The following SLIT3 variants were observed in gnomAD, a reference collection of about 807,000 sequenced individuals.
SLIT3 encodes slit guidance ligand 3.
SLIT3 carries 68 observed loss-of-function variants against 184.0 expected under a neutral mutation model. The ratio of observed to expected loss-of-function variants is 0.37; its 90% CI spans 0.30 to 0.45. SLIT3 has a LOEUF of 0.45. Ranked by LOEUF, SLIT3 falls within the 20% of genes least tolerant of loss-of-function variation. The probability of loss-of-function intolerance (pLI) is 1.00; values close to 1 mark genes in which losing one functional copy is unlikely to be tolerated. For synonymous variants in SLIT3, 831 were observed against 828.6 expected, an observed-to-expected ratio of 1.00 and a Z score of -0.05; for missense variants, 1,707 against 2,026.0, an observed-to-expected ratio of 0.84 and a Z score of 3.02.
chr5:169,055,928 G>C (rs1347021238), intron 4 of SLIT3, among the ~76,000 whole-genome samples: 1 of 152,094 alleles, frequency 6.6e-6, no homozygotes, highest in African/African-American at 2.4e-5. Context: ...ACGAAATTAA[G>C]AATTTTATTC....
chr5:169,239,096 T>G (rs1430956571), intron 3 of SLIT3, among the ~76,000 whole-genome samples: 3 of 152,196 alleles, frequency 2.0e-5, no homozygotes, highest in African/African-American at 7.2e-5. Flanking sequence ...ATGTTGTGTA[T>G]GTCTTTGGTT....
At chr5:169,041,613 G>C (rs1057431362) in intron 4 of SLIT3, among the ~76,000 whole-genome samples, 1 of 152,168 alleles carries the variant, frequency 6.6e-6, no homozygotes, top group African/African-American at 2.4e-5. Context: ...AGTTATATAA[G>C]TAAATGTCAG....
chr5:169,067,072 A>G (rs1758376229), intron 4 of SLIT3, among the ~76,000 whole-genome samples: 3 of 152,180 alleles, frequency 2.0e-5, no homozygotes, highest in African/African-American at 7.2e-5. Context: ...AATTTCCACC[A>G]TGACATCTTT....
chr5:168,826,291 G>A (rs55982071), intron 6 of SLIT3, among the ~76,000 whole-genome samples: 14,128 of 152,160 alleles, frequency 0.093, 738 homozygotes, highest in African/African-American at 0.14. Flanking sequence ...TGCTGCTTGG[G>A]GCTGGCCAGC....
intron 4 of SLIT3, among the ~76,000 whole-genome samples, chr5:168,893,108 A>T (rs1050569595): frequency 1.3e-5 from 2 of 152,360 alleles, no homozygotes; most frequent in African/African-American, 4.8e-5. Flanking sequence ...GCTGAAAATC[A>T]TCTGATTGTA....
At chr5:169,152,986 C>T (rs2113373242) in intron 4 of SLIT3, among the ~76,000 whole-genome samples, 1 of 152,324 alleles carries the variant, frequency 6.6e-6, no homozygotes, top group South Asian at 2.1e-4. Flanking sequence ...TGGCACTTTC[C>T]CTTTTTCAGG....
At chr5:169,229,601 C>T (rs1190521317) in intron 3 of SLIT3, among the ~76,000 whole-genome samples, 4 of 151,654 alleles carry the variant, frequency 2.6e-5, no homozygotes, top group Non-Finnish European at 5.9e-5. Context: ...GGACTAAAGC[C>T]AATGAGTAAA....
chr5:169,012,659 C>G (rs373883911), intron 4 of SLIT3: 1 of 152,210 alleles, frequency 6.6e-6, no homozygotes, highest in African/African-American at 2.4e-5. Flanking sequence ...ATCCGTGAAA[C>G]CTTTAACAAC....
chr5:169,287,617 C>A (rs183965914), intron 1 of SLIT3, among the ~76,000 whole-genome samples: 2 of 152,198 alleles, frequency 1.3e-5, no homozygotes, highest in East Asian at 3.9e-4. Flanking sequence ...TCCAGTGATA[C>A]CTCAAAAGCC....
intron 4 of SLIT3, among the ~76,000 whole-genome samples, chr5:169,156,903 T>C (rs531830124): frequency 6.6e-6 from 1 of 152,190 alleles, no homozygotes; most frequent in South Asian, 2.1e-4. Flanking sequence ...ACCTCAGGAA[T>C]GACACAGATG....
intron 4 of SLIT3, among the ~76,000 whole-genome samples, chr5:169,104,808 CAG>C (rs536036839): frequency 1.1e-4 from 16 of 152,320 alleles, no homozygotes; most frequent in Non-Finnish European, 5.9e-5. Context: ...AGAAAACTCT[CAG>C]GGGGAGAAAA....
intron 4 of SLIT3, among the ~76,000 whole-genome samples, chr5:168,934,824 A>G (rs934919303): frequency 5.3e-5 from 8 of 152,078 alleles, no homozygotes; most frequent in Non-Finnish European, 1.5e-5. Context: ...GTTACCTCAC[A>G]TATCTTCAAA....
chr5:169,262,856 T>G (rs1766244805), intron 1 of SLIT3, among the ~76,000 whole-genome samples: 1 of 152,212 alleles, frequency 6.6e-6, no homozygotes. Context: ...GCCCTCAAAG[T>G]CCTGCGTCCA....
At chr5:168,932,841 C>CCACCTCAGCT (rs1212254314) in intron 4 of SLIT3, among the ~76,000 whole-genome samples, 1 of 152,234 alleles carries the variant, frequency 6.6e-6, no homozygotes, top group East Asian at 1.9e-4. Flanking sequence ...GAGTATCGCC[C>CCACCTCAGCT]CACCTACAGC....
chr5:169,101,099 G>T (rs1012631890), intron 4 of SLIT3, among the ~76,000 whole-genome samples: 2 of 152,166 alleles, frequency 1.3e-5, no homozygotes, highest in African/African-American at 4.8e-5. Context: ...TGAGTGCCAT[G>T]GGAGGCTGAA....
chr5:168,861,466 A>G (rs1392650109), intron 5 of SLIT3, among the ~76,000 whole-genome samples: 2 of 141,478 alleles, frequency 1.4e-5, no homozygotes, highest in African/African-American at 5.2e-5. Context: ...TGGCTGCAGT[A>G]GAGGAATTGC....
In SLIT3 at chr5:168,748,366, C is replaced by T. The variant is rs202026700; in HGVS notation, c.2206G>A (p.Val736Met). ...CGGAGCCCCTTGTTGCTGCATCGCA[C>T]CACTGTCTCCATACAGGTGCACTGC... ...PEQCTCMETV[V>M]RCSNKGLRAL... The change falls in exon 20 of 36, where the codon GTG becomes ATG. Residue 736 changes from valine (V) to methionine (M), a missense_variant. By Grantham distance (21) the Val-to-Met change is conservative (BLOSUM62 1). Around this residue, in one of 3 missense-constraint regions of SLIT3, gnomAD observed 1,307 missense variants for 1,511.6 expected, o/e 0.86. Transcript: ENST00000519560. 4.5e-5 allele frequency: 68 copies of T among 1,508,924 alleles called. No individual in the cohort carries two copies. The highest frequency in any genetic ancestry group is 1.5e-5 in the African/African-American group (1 of 67,964). 93.5% of individuals were successfully genotyped at this position (1,508,924 alleles called of 1,614,324 possible).
rs114515695 is a variant in SLIT3, at chr5:168,812,210, G to A, written c.793+5090C>T. 2.3e-3 allele frequency among the ~76,000 whole-genome samples: 353 copies of A among 152,268 alleles called. 1 individual carries two copies. The highest frequency in any genetic ancestry group is 6.8e-3 in the Middle Eastern group (2 of 294). ...TTACCAGGGCCTGGGGAGGGTATTC[G>A]GGAGGAGGACATAGGGAGAGACTGA... On this transcript the variant is annotated intron_variant, in intron 8 of 35. Transcript: ENST00000519560.
intron 16 of SLIT3, among the ~76,000 whole-genome samples, chr5:168,754,961 G>C (rs1020177403): frequency 6.6e-6 from 1 of 152,202 alleles, no homozygotes; most frequent in Non-Finnish European, 1.5e-5. Flanking sequence ...CTTGGGACTA[G>C]GGCATTTGTG....
Sources: gnomAD v4.1 joint callset for allele counts (sites outside exome capture counted in the v4.1 genomes callset) on GRCh38, gnomAD v4.1.1 for gene constraint, gnomAD v4.1.1 regional missense constraint, MANE v1.5 for transcripts, NCBI Gene and HGNC (gene_info 2026-07-23, HGNC 2026-07-21) for gene names.